RFX3: variants seen among roughly 807,000 people sequenced by gnomAD.
RFX3 encodes the protein transcription factor RFX3.
A neutral mutation model predicts 98.6 loss-of-function variants in RFX3; 14 were observed. The observed-to-expected ratio is 0.14, with a 90% CI of 0.09 to 0.22. The LOEUF is 0.22. Ranked by LOEUF, RFX3 falls within the 10% of genes least tolerant of loss-of-function variation. The probability of loss-of-function intolerance (pLI) is 1.00; values close to 1 mark genes in which losing one functional copy is unlikely to be tolerated. For synonymous variants in RFX3, 383 were observed against 328.4 expected, an observed-to-expected ratio of 1.17 and a Z score of -1.80; for missense variants, 639 against 926.9, an observed-to-expected ratio of 0.69 and a Z score of 4.03.
intron 3 of RFX3, chr9:3,344,842 G>A (rs1273929194): frequency 1.4e-6 from 1 of 715,390 alleles, no homozygotes; most frequent in East Asian, 2.7e-5. Context: ...TTAAGTTTAT[G>A]GTGAAGATTC....
chr9:3,366,742 CTTTCTTTCTTTT>C (rs1230700263), intron 2 of RFX3, among the ~76,000 whole-genome samples: 1 of 90,424 alleles, frequency 1.1e-5, no homozygotes, highest in East Asian at 2.8e-4. Context: ...TTCTTTCTTT[CTTTCTTTCTTTT>C]TGGCTATTCT....
At chr9:3,311,194 C>T (rs780107732) in intron 4 of RFX3, among the ~76,000 whole-genome samples, 12 of 152,214 alleles carry the variant, frequency 7.9e-5, no homozygotes, top group Non-Finnish European at 1.2e-4. Context: ...AGAGGATACA[C>T]TTAAAACCAG....
chr9:3,244,010 T>TG (rs1041459029), intron 15 of RFX3, among the ~76,000 whole-genome samples: 4 of 150,842 alleles, frequency 2.7e-5, no homozygotes, highest in Non-Finnish European at 5.9e-5. Context: ...TTTTATTATT[T>TG]TTTTTTTTTG....
intron 15 of RFX3, among the ~76,000 whole-genome samples, chr9:3,240,863 G>A (rs897865817): frequency 6.6e-6 from 1 of 152,188 alleles, no homozygotes; most frequent in South Asian, 2.1e-4. Context: ...AAAGTGGCCA[G>A]TAGGTGGCAC....
chr9:3,336,054 T>A (rs958141971), intron 3 of RFX3, among the ~76,000 whole-genome samples: 1 of 152,198 alleles, frequency 6.6e-6, no homozygotes, highest in Non-Finnish European at 1.5e-5. Context: ...AGATGTTGAA[T>A]GTCCTCCAAC....
At chr9:3,228,228 T>A (rs1014209553) in intron 16 of RFX3, among the ~76,000 whole-genome samples, 2 of 152,200 alleles carry the variant, frequency 1.3e-5, no homozygotes, top group African/African-American at 2.4e-5. Flanking sequence ...GCATTCTATC[T>A]CCCCCTAAGT....
At chr9:3,479,388 A>T (rs1367641429) in intron 1 of RFX3, among the ~76,000 whole-genome samples, 3 of 152,184 alleles carry the variant, frequency 2.0e-5, no homozygotes, top group Admixed American at 1.3e-4. Context: ...AACCAAAAAA[A>T]ACAAACCCTC....
chr9:3,252,012 C>T (rs1237053542), intron 14 of RFX3, among the ~76,000 whole-genome samples: 1 of 152,130 alleles, frequency 6.6e-6, no homozygotes, highest in African/African-American at 2.4e-5. Context: ...CCACGCCTGG[C>T]TAATTTTGTA....
chr9:3,445,158 AG>A (rs1261100630), intron 1 of RFX3, among the ~76,000 whole-genome samples: 1 of 151,854 alleles, frequency 6.6e-6, no homozygotes, highest in African/African-American at 2.4e-5. Flanking sequence ...TCTTTCACGT[AG>A]GGAAAGCAAT....
chr9:3,286,812 A>G (rs925191228), intron 7 of RFX3, among the ~76,000 whole-genome samples: 5 of 151,900 alleles, frequency 3.3e-5, no homozygotes, highest in Admixed American at 6.6e-5. Flanking sequence ...GCCTCAATAA[A>G]TATGTCATGG....
At chr9:3,366,654 T>C (rs1837115128) in intron 2 of RFX3, among the ~76,000 whole-genome samples, 2 of 151,060 alleles carry the variant, frequency 1.3e-5, no homozygotes, top group African/African-American at 2.4e-5. Context: ...TTTCTTTCCT[T>C]TCCTTTTCTT....
intron 1 of RFX3, among the ~76,000 whole-genome samples, chr9:3,467,245 A>G (rs937984676): frequency 3.9e-4 from 56 of 145,366 alleles, no homozygotes; most frequent in Non-Finnish European, 6.4e-4. Flanking sequence ...TACAATATAT[A>G]TTATATATAC....
intron 2 of RFX3, among the ~76,000 whole-genome samples, chr9:3,358,085 G>C (rs1288182005): frequency 2.0e-5 from 3 of 152,034 alleles, no homozygotes; most frequent in Admixed American, 1.3e-4. Flanking sequence ...AGAGGTTCTT[G>C]TGCTGATACT....
In RFX3 at chr9:3,478,657, C is replaced by T. The variant is rs112028647; in HGVS notation, c.-9+47090G>A. Among the ~76,000 whole-genome samples the T allele has an allele frequency of 4.6e-5, 7 of 152,240 alleles. 1 individual carries two copies. Among genetic ancestry groups the T allele is most frequent in the Admixed American group, 1.3e-4 (2 of 15,286 alleles). ...GCTTACACAGTGCCTCAAGATCAGT[C>T]AGAGGTGACATTCTCCTTTCCCAGG... On this transcript the variant is annotated intron_variant, in intron 1 of 16. Coordinates refer to ENST00000617270, the MANE Select transcript of RFX3 (RefSeq NM_001282116.2).
At chr9:3,476,241 A>G (rs62526388) in intron 1 of RFX3, among the ~76,000 whole-genome samples, 13 of 151,420 alleles carry the variant, frequency 8.6e-5, no homozygotes, top group Non-Finnish European at 1.5e-4. Flanking sequence ...GATCTAGTAT[A>G]ACTCTTGTTG....
intron 1 of RFX3, among the ~76,000 whole-genome samples, chr9:3,511,963 G>A (rs957999112): frequency 6.6e-6 from 1 of 152,044 alleles, no homozygotes; most frequent in East Asian, 1.9e-4. Flanking sequence ...TAGAATGTGT[G>A]TAACACAAGG....
Position 3,293,042 on chromosome 9 carries a change from G to C in RFX3, c.731+35C>G, listed in dbSNP as rs117666187. 4,969 of 1,508,866 alleles carry C rather than the reference G, an allele frequency of 3.3e-3. 9 individuals carry two copies. The highest frequency in any genetic ancestry group is 4.2e-3 in the Non-Finnish European group (4,648 of 1,106,968). 93.5% of individuals were successfully genotyped at this position (1,508,866 alleles called of 1,614,324 possible). A position where few individuals can be genotyped will look rare whatever the true frequency, so the allele number is the denominator to read the frequency against. ...TTGAATTGCCCTAGTTTGAAAAAGA[G>C]AGATTAGTTTATGATCTTATTTTTC... is the stretch of plus-strand genomic sequence containing the variant. On this transcript the variant is annotated intron_variant, in intron 6 of 16. Transcript: ENST00000617270.
chr9:3,239,554 G>A (rs1329530579), intron 15 of RFX3, among the ~76,000 whole-genome samples: 2 of 152,216 alleles, frequency 1.3e-5, no homozygotes, highest in Non-Finnish European at 2.9e-5. Context: ...AGCAACAGGT[G>A]TACCTAATTG....
At chr9:3,420,642 T>G in intron 1 of RFX3, 1 of 273,536 alleles carries the variant, frequency 3.7e-6, no homozygotes, top group Non-Finnish European at 5.6e-6. Flanking sequence ...TTCAGCTGCA[T>G]CACCGTATCC....
Sources: allele counts gnomAD v4.1 joint callset (sites outside exome capture counted in the v4.1 genomes callset), GRCh38; gene constraint gnomAD v4.1.1; transcripts MANE v1.5; gene names NCBI Gene and HGNC (gene_info 2026-07-23, HGNC 2026-07-21).